Variants in MIER3 observed in about 807,000 individuals in gnomAD.
The protein encoded by MIER3 is mesoderm induction early response protein 3.
In MIER3, 9 loss-of-function variants were observed where a neutral mutation model predicts 63.2. The observed-to-expected ratio is 0.14, with a 90% confidence interval of 0.09 to 0.25. MIER3 has a LOEUF of 0.25. Ranked by LOEUF, MIER3 falls within the 10% of genes least tolerant of loss-of-function variation. The pLI, the probability that MIER3 is intolerant of heterozygous loss-of-function variation, is 1.00. For synonymous variants in MIER3, 205 were observed against 224.9 expected, an observed-to-expected ratio of 0.91 and a Z score of 0.79; for missense variants, 512 against 666.2, an observed-to-expected ratio of 0.77 and a Z score of 2.55.
Position 56,932,102 on chromosome 5 carries a change from C to T in MIER3, c.747+1145G>A, listed in dbSNP as rs543692425. Among the ~76,000 whole-genome samples, 9 of 151,894 alleles carry T rather than the reference C, an allele frequency of 5.9e-5. No homozygotes were observed. The South Asian group carries it at 1.7e-3, about 28-fold the overall frequency. ...GGTCAAGAGTTTGAGACCAGCCTGGCGACAAAAATTAGCCAGGCATGGTGA... is the reference window on the plus strand; with the variant it reads ...GGTCAAGAGTTTGAGACCAGCCTGGTGACAAAAATTAGCCAGGCATGGTGA... On this transcript the variant is annotated intron_variant, in intron 8 of 12. Transcript: ENST00000381199.
chr5:56,944,493 AG>A (rs1040500224), intron 3 of MIER3, among the ~76,000 whole-genome samples: 1 of 152,022 alleles, frequency 6.6e-6, no homozygotes, highest in Non-Finnish European at 1.5e-5. Flanking sequence ...AAAAAAAAAA[AG>A]AAATCAACAG....
At chr5:56,951,801 T>G (rs1278258472) in intron 1 of MIER3, among the ~76,000 whole-genome samples, 1 of 151,582 alleles carries the variant, frequency 6.6e-6, no homozygotes, top group Non-Finnish European at 1.5e-5. Context: ...GCCTCGTCCC[T>G]GGGGCAGGGC....
intron 2 of MIER3, among the ~76,000 whole-genome samples, chr5:56,950,252 A>G (rs1750972245): frequency 6.6e-6 from 1 of 152,226 alleles, no homozygotes; most frequent in African/African-American, 2.4e-5. Flanking sequence ...GTAGTCCCAG[A>G]GTTCTGACAA....
chr5:56,942,723 A>G (rs1750689030), intron 3 of MIER3, among the ~76,000 whole-genome samples: 1 of 152,224 alleles, frequency 6.6e-6, no homozygotes, highest in Non-Finnish European at 1.5e-5. Flanking sequence ...AGAACGAGGA[A>G]AAAGTAGGAT....
intron 2 of MIER3, among the ~76,000 whole-genome samples, chr5:56,948,344 T>C (rs1027484113): frequency 6.6e-6 from 1 of 152,214 alleles, no homozygotes; most frequent in African/African-American, 2.4e-5. Context: ...ATTTAAAAAC[T>C]TGTTGATTTA....
chr5:56,933,689 T>C (rs147451141), intron 7 of MIER3, among the ~76,000 whole-genome samples: 9 of 152,184 alleles, frequency 5.9e-5, no homozygotes, highest in African/African-American at 2.2e-4. Context: ...TAAAACCCCA[T>C]AGTGGTTATC....
chr5:56,934,511 CA>C (rs1051233350), intron 7 of MIER3, among the ~76,000 whole-genome samples: 2 of 152,174 alleles, frequency 1.3e-5, no homozygotes, highest in Non-Finnish European at 2.9e-5. Context: ...GTACTTGGCT[CA>C]AAGGCCAAGT....
At position 56,920,885 on chromosome 5, in the gene MIER3, ACTCT is replaced by A. The variant is rs746640815; in HGVS notation, c.*2239_*2242del. ...AAGTAAACATTACCAGCTAGTTAGC[ACTCT>A]CTAAGAGGCTAAAATCAGATTGACA... is the stretch of plus-strand genomic sequence containing the variant. On this transcript the variant is annotated 3_prime_UTR_variant, in exon 13 of 13. Coordinates refer to ENST00000381199, the MANE Select transcript of MIER3 (RefSeq NM_001297599.2). 2.6e-4 allele frequency: 39 copies of A among 152,512 alleles called. No homozygotes were observed. Among genetic ancestry groups the A allele is most frequent in the Non-Finnish European group, 2.4e-4 (16 of 67,928 alleles). The allele number at this position is 152,512 out of a possible 1,614,324, so 9.4% of individuals were successfully genotyped here. A position where few individuals can be genotyped will look rare whatever the true frequency, so the allele number is the denominator to read the frequency against.
rs1259407997 is a variant in MIER3, at chr5:56,922,366, G to A, written c.*762C>T. ...GCCAAAACTGTAGCCAATAAATGAAGTTACACAGAAATCTCCTGGCAGTAA... is the reference window on the plus strand; with the variant it reads ...GCCAAAACTGTAGCCAATAAATGAAATTACACAGAAATCTCCTGGCAGTAA... On this transcript the variant is annotated 3_prime_UTR_variant, in exon 13 of 13. Transcript: ENST00000381199. 6.6e-6 allele frequency: 1 copy of A among 152,462 alleles called. No homozygotes were observed. The highest frequency in any genetic ancestry group is 2.4e-5 in the African/African-American group (1 of 41,420). 9.4% of individuals were successfully genotyped at this position (152,462 alleles called of 1,614,324 possible).
intron 3 of MIER3, among the ~76,000 whole-genome samples, chr5:56,945,416 T>C (rs1328177025): frequency 6.6e-6 from 1 of 152,178 alleles, no homozygotes; most frequent in Non-Finnish European, 1.5e-5. Context: ...TGAGCCGAGA[T>C]TGTGCCACTG....
chr5:56,930,043 T>C (rs1045629270), intron 9 of MIER3, among the ~76,000 whole-genome samples: 13 of 152,216 alleles, frequency 8.5e-5, no homozygotes, highest in African/African-American at 3.1e-4. Flanking sequence ...TTTAAATGTA[T>C]TATTTTTAGT....
In MIER3 at chr5:56,928,858, C is replaced by T. The variant is rs368716298; in HGVS notation, c.833G>A (p.Gly278Glu). Residue 278 changes from glycine (G) to glutamate (E), a missense_variant, in exon 10 of 13, where the codon GGA (glycine) becomes GAA (glutamate). Gly to Glu is a moderately conservative substitution (Grantham distance 98, BLOSUM62 -2). Transcript: ENST00000381199. ...YCCNGKASQE[G>E]MTAWTEEECR... is the part of the protein sequence containing the mutation. The stretch of plus-strand genomic sequence containing the variant: ...TTCTTCTTCCGTCCATGCAGTCATT[C>T]CTTCTAAGAAAAATTTTAAAATAAA... 2.5e-6 allele frequency: 4 copies of T among 1,608,720 alleles called. No individual in the cohort carries two copies. Among genetic ancestry groups the T allele is most frequent in the Non-Finnish European group, 3.4e-6 (4 of 1,178,460 alleles).
intron 3 of MIER3, chr5:56,941,005 T>C: frequency 1.0e-6 from 1 of 985,428 alleles, no homozygotes; most frequent in Non-Finnish European, 1.2e-6. Flanking sequence ...TCACCTTTTA[T>C]GCACTGATGG....
At chr5:56,943,615 A>G (rs1251615090) in intron 3 of MIER3, among the ~76,000 whole-genome samples, 2 of 152,238 alleles carry the variant, frequency 1.3e-5, no homozygotes, top group Non-Finnish European at 2.9e-5. Flanking sequence ...GGCTGATGCT[A>G]AAACACACAT....
At chr5:56,952,059 C>G in intron 1 of MIER3, 35 bp downstream of exon 1, 1 of 1,285,152 alleles carries the variant, frequency 7.8e-7, no homozygotes, top group Non-Finnish European at 1.0e-6. Flanking sequence ...GCGCCCGCTC[C>G]AGCCCGGCTG....
intron 1 of MIER3, among the ~76,000 whole-genome samples, chr5:56,951,887 C>A (rs1327665687): frequency 1.3e-5 from 2 of 150,576 alleles, no homozygotes; most frequent in Non-Finnish European, 3.0e-5. Context: ...GCGGCCTAGT[C>A]CCGGAGGGAG....
intron 1 of MIER3, 139 bp from the exon 2 acceptor site, chr5:56,950,791 C>A: frequency 1.1e-6 from 1 of 910,482 alleles, no homozygotes; most frequent in Non-Finnish European, 1.7e-6. Flanking sequence ...TCACTCGAAT[C>A]GCTCCCGGCC....
Position 56,920,393 on chromosome 5 carries a change from C to A in MIER3, c.*2735G>T, listed in dbSNP as rs1471732656. On this transcript the variant is annotated 3_prime_UTR_variant, in exon 13 of 13. Transcript: ENST00000381199. ...TACATAAAAGATATATCAGCCAACA[C>A]TGCAACTGCTCACCATGAATTTTTG... The A allele has an allele frequency of 1.3e-5, 2 of 152,590 alleles. No individual in the cohort carries two copies. Among genetic ancestry groups the A allele is most frequent in the Non-Finnish European group, 2.9e-5 (2 of 67,956 alleles). 9.5% of individuals were successfully genotyped at this position (152,590 alleles called of 1,614,324 possible). A position where few individuals can be genotyped will look rare whatever the true frequency, so the allele number is the denominator to read the frequency against.
chr5:56,939,099 A>C (rs1329864350), intron 3 of MIER3, 82 bp from the exon 4 acceptor site: 1 of 1,415,400 alleles, frequency 7.1e-7, no homozygotes, highest in African/African-American at 1.4e-5. Context: ...CCTTAGGTTC[A>C]GAAAGCACAT....
Sources: gnomAD v4.1 joint callset for allele counts (sites outside exome capture counted in the v4.1 genomes callset) on GRCh38, gnomAD v4.1.1 for gene constraint, MANE v1.5 for transcripts, NCBI Gene and HGNC (gene_info 2026-07-23, HGNC 2026-07-21) for gene names.